The following SVOP variants were observed in gnomAD, a reference collection of about 807,000 sequenced individuals.
The protein encoded by SVOP is synaptic vesicle 2-related protein.
A neutral mutation model predicts 69.1 loss-of-function variants in SVOP; 17 were observed. The observed-to-expected ratio is 0.25, with a 90% CI of 0.17 to 0.37. SVOP has a LOEUF of 0.37. Ranked by LOEUF, SVOP falls within the 10% of genes least tolerant of loss-of-function variation. SVOP has a pLI of 1.00. For synonymous variants in SVOP, 238 were observed against 238.6 expected, an observed-to-expected ratio of 1.00 and a Z score of 0.02; for missense variants, 435 against 597.5, an observed-to-expected ratio of 0.73 and a Z score of 2.84.
chr12:109,006,277 T>G (rs1385155105), intron 1 of SVOP, among the ~76,000 whole-genome samples: 1 of 152,168 alleles, frequency 6.6e-6, no homozygotes, highest in Non-Finnish European at 1.5e-5. Context: ...GGTCTCAAAC[T>G]CCTGACCTCA....
At chr12:108,982,822 C>CACT (rs2040146658) in intron 2 of SVOP, among the ~76,000 whole-genome samples, 4 of 138,360 alleles carry the variant, frequency 2.9e-5, no homozygotes, top group African/African-American at 8.5e-5. Context: ...TCATCACCAT[C>CACT]ATCATCACTG....
chr12:109,019,118 A>G (rs1439213793), intron 1 of SVOP, among the ~76,000 whole-genome samples: 1 of 152,242 alleles, frequency 6.6e-6, no homozygotes, highest in Non-Finnish European at 1.5e-5. Flanking sequence ...AGAATAATCA[A>G]GAAACTTAAC....
At chr12:108,938,084 T>C (rs2039867247) in intron 9 of SVOP, among the ~76,000 whole-genome samples, 1 of 152,256 alleles carries the variant, frequency 6.6e-6, no homozygotes. Context: ...CTGGACTCTA[T>C]GTTGTCAGAC....
intron 12 of SVOP, among the ~76,000 whole-genome samples, chr12:108,922,434 G>T (rs992010120): frequency 6.6e-6 from 1 of 152,170 alleles, no homozygotes; most frequent in Admixed American, 6.5e-5. Context: ...ATAGTCTTTT[G>T]TCTCTGACCC....
At chr12:108,966,132 C>T (rs571094284) in intron 5 of SVOP, among the ~76,000 whole-genome samples, 14 of 152,164 alleles carry the variant, frequency 9.2e-5, no homozygotes, top group Non-Finnish European at 1.5e-4. Context: ...CCCCAAGTAG[C>T]CTGGACCACA....
chr12:109,001,370 A>C (rs1277313312), intron 1 of SVOP, among the ~76,000 whole-genome samples: 2 of 151,026 alleles, frequency 1.3e-5, no homozygotes, highest in African/African-American at 4.9e-5. Context: ...TATCATGAAA[A>C]TGGCCATACT....
At chr12:108,968,369 A>G (rs1475969005) in intron 5 of SVOP, among the ~76,000 whole-genome samples, 1 of 152,228 alleles carries the variant, frequency 6.6e-6, no homozygotes, top group African/African-American at 2.4e-5. Flanking sequence ...TCACAGCACT[A>G]TCCCACTGAG....
rs751266873 is a variant in SVOP at position 108,977,427 on chromosome 12, G to C, written c.352C>G (p.Pro118Ala). The change falls in exon 4 of 16, where the codon CCA becomes GCA. Residue 118 changes from proline to alanine, a missense_variant. Pro to Ala is a conservative substitution (Grantham distance 27). Coordinates refer to ENST00000610966, the MANE Select transcript of SVOP (RefSeq NM_018711.5). ...GTCAGCAATGCCACCTGCCAGCTTG[G>C]GAGCCTCCACTCGCAATGCAGCTGT... is the stretch of plus-strand genomic sequence containing the variant. ...APQLHCEWRL[P>A]SWQVALLTSV... The C allele has an allele frequency of 3.9e-6, 6 of 1,537,208 alleles. No individual in the cohort carries two copies. Among genetic ancestry groups the C allele is most frequent in the Non-Finnish European group, 5.2e-6 (6 of 1,146,888 alleles).
At chr12:108,912,800 A>G (rs1242931841) in intron 15 of SVOP, 59 bp from the exon 16 acceptor site, 3 of 1,520,234 alleles carry the variant, frequency 2.0e-6, no homozygotes, top group Non-Finnish European at 2.7e-6. Flanking sequence ...GACATCGCCA[A>G]CCATCAAATA....
intron 11 of SVOP, among the ~76,000 whole-genome samples, chr12:108,930,522 C>A (rs2039811010): frequency 6.6e-6 from 1 of 151,248 alleles, no homozygotes; most frequent in Non-Finnish European, 1.5e-5. Context: ...ACTGCAGCCT[C>A]AGCCTCCCCA....
intron 1 of SVOP, among the ~76,000 whole-genome samples, chr12:109,011,618 A>G (rs544965822): frequency 1.3e-5 from 2 of 152,330 alleles, no homozygotes; most frequent in African/African-American, 4.8e-5. Context: ...ATGGGCTCAA[A>G]GAGTTTACCT....
At position 108,993,378 on chromosome 12, in the gene SVOP, C is replaced by CAA. The variant is rs371842542; in HGVS notation, c.36-9619_36-9618dup. On this transcript the variant is annotated intron_variant, in intron 1 of 15. Coordinates refer to ENST00000610966, the MANE Select transcript of SVOP (RefSeq NM_018711.5). ...GTCTACGTTATGTGTATTTTGCCTT[C>CAA]AAAAAAAAAAAAAAAGAAAAGAAAA... is the stretch of plus-strand genomic sequence containing the variant. Among the ~76,000 whole-genome samples the CAA allele has an allele frequency of 9.3e-3, 1,305 of 139,800 alleles. 25 individuals carry two copies. The highest frequency in any genetic ancestry group is 0.068 in the South Asian group (302 of 4,448). The allele number at this position is 139,800 out of a possible 152,430, so 91.7% of individuals were successfully genotyped here. A position where few individuals can be genotyped will look rare whatever the true frequency, so the allele number is the denominator to read the frequency against.
chr12:108,961,247 A>G (rs1159145701), intron 5 of SVOP, among the ~76,000 whole-genome samples, 200 bp from the exon 6 acceptor site: 1 of 152,132 alleles, frequency 6.6e-6, no homozygotes, highest in Non-Finnish European at 1.5e-5. Context: ...GGTTGTCCCA[A>G]TGATTGGCAT....
At chr12:108,950,072 A>G (rs1483294339) in intron 6 of SVOP, among the ~76,000 whole-genome samples, 2 of 151,902 alleles carry the variant, frequency 1.3e-5, no homozygotes, top group Non-Finnish European at 2.9e-5. Flanking sequence ...CTACAGCTTT[A>G]TTTATTTTTG....
At chr12:108,925,029 C>A (rs1008593348) in intron 11 of SVOP, among the ~76,000 whole-genome samples, 4 of 151,270 alleles carry the variant, frequency 2.6e-5, no homozygotes, top group Non-Finnish European at 4.4e-5. Flanking sequence ...TTTTTTTTTA[C>A]CAATTACAAA....
In SVOP at chr12:108,937,292, A is replaced by C; in HGVS notation, c.943T>G (p.Trp315Gly). Residue 315 changes from tryptophan (W) to glycine (G), a missense_variant, in exon 10 of 16, where the codon TGG becomes GGG. Transcript: ENST00000610966. The part of the protein sequence containing the change: ...MRDLFTPHFR[W>G]TTLLLWFIWF... ...ATAAACCACAGCAGCAAAGTTGTCC[A>C]TCTAAAATGGGGTGTGAAAAGGTCC... The C allele has an allele frequency of 6.2e-7, 1 of 1,614,006 alleles. No individual in the cohort carries two copies.
At chr12:108,983,063 AC>A (rs2040150011) in intron 2 of SVOP, among the ~76,000 whole-genome samples, 1 of 151,192 alleles carries the variant, frequency 6.6e-6, no homozygotes, top group Admixed American at 6.6e-5. Flanking sequence ...CATCACCATC[AC>A]CATCATCACC....
chr12:108,999,361 TG>T (rs1488746455), intron 1 of SVOP, among the ~76,000 whole-genome samples: 1 of 151,628 alleles, frequency 6.6e-6, no homozygotes, highest in Admixed American at 6.6e-5. Flanking sequence ...ACATTAATAA[TG>T]GCAGACTTTA....
At chr12:108,935,342 C>T (rs11114106) in intron 10 of SVOP, among the ~76,000 whole-genome samples, 17,557 of 152,206 alleles carry the variant, frequency 0.12, 1,181 homozygotes, top group East Asian at 0.35. Context: ...GCCAGTGATT[C>T]ATTTCCTTAG....
Sources: gnomAD v4.1 joint callset for allele counts (sites outside exome capture counted in the v4.1 genomes callset) on GRCh38, gnomAD v4.1.1 for gene constraint, MANE v1.5 for transcripts, NCBI Gene and HGNC (gene_info 2026-07-23, HGNC 2026-07-21) for gene names.